The following SFMBT2 variants were observed in gnomAD, a reference collection of about 807,000 sequenced individuals.
The protein encoded by SFMBT2 is Scm like with four mbt domains 2, also known as scm-like with four MBT domains protein 2.
SFMBT2 carries 38 observed loss-of-function variants against 110.1 expected under a neutral mutation model. The observed-to-expected ratio is 0.35, with a 90% CI of 0.27 to 0.45. SFMBT2 has a LOEUF of 0.45. Among genes scored for constraint, SFMBT2 ranks in the 20% least tolerant of loss-of-function variants. The probability of loss-of-function intolerance (pLI) is 1.00; values close to 1 mark genes in which losing one functional copy is unlikely to be tolerated. For synonymous variants in SFMBT2, 425 were observed against 425.4 expected, an observed-to-expected ratio of 1.00 and a Z score of 0.01; for missense variants, 1,011 against 1,094.9, an observed-to-expected ratio of 0.92 and a Z score of 1.08.
intron 8 of SFMBT2, 40 bp from the exon 9 acceptor site, chr10:7,243,745 T>C (rs747638849): frequency 1.2e-6 from 1 of 841,634 alleles, no homozygotes; most frequent in Admixed American, 1.8e-5. Context: ...GTTAATTCTT[T>C]AGAGTTACAT....
At chr10:7,373,086 G>C (rs922371075) in intron 2 of SFMBT2, among the ~76,000 whole-genome samples, 4 of 152,240 alleles carry the variant, frequency 2.6e-5, no homozygotes, top group Non-Finnish European at 4.4e-5. Context: ...GGGAGCTGAG[G>C]TCTAGCAGGG....
At chr10:7,402,863 C>T (rs577183381) in intron 1 of SFMBT2, among the ~76,000 whole-genome samples, 1 of 152,302 alleles carries the variant, frequency 6.6e-6, no homozygotes, top group East Asian at 1.9e-4. Flanking sequence ...TCATCAGTGG[C>T]CAACACTGTT....
At chr10:7,346,290 C>A (rs894158271) in intron 4 of SFMBT2, among the ~76,000 whole-genome samples, 5 of 152,048 alleles carry the variant, frequency 3.3e-5, no homozygotes, top group African/African-American at 1.2e-4. Flanking sequence ...TCTTTCTGAC[C>A]CCGGTGTTCT....
At chr10:7,386,631 A>G (rs983497569) in intron 1 of SFMBT2, among the ~76,000 whole-genome samples, 2 of 152,150 alleles carry the variant, frequency 1.3e-5, no homozygotes, top group African/African-American at 4.8e-5. Flanking sequence ...CCCACTGGTC[A>G]TTGGTTAGGT....
At chr10:7,224,057 G>A (rs868458085) in intron 10 of SFMBT2, among the ~76,000 whole-genome samples, 1 of 152,080 alleles carries the variant, frequency 6.6e-6, no homozygotes, top group Non-Finnish European at 1.5e-5. Flanking sequence ...ATAATGAGGC[G>A]ATTTTCCCAT....
At chr10:7,202,994 C>CTAT in intron 12 of SFMBT2, 1 of 985,414 alleles carries the variant, frequency 1.0e-6, no homozygotes, top group Non-Finnish European at 1.2e-6. Context: ...CAGTAGCTCG[C>CTAT]AAATACGCCT....
At chr10:7,256,026 A>C (rs564267846) in intron 7 of SFMBT2, among the ~76,000 whole-genome samples, 3 of 152,234 alleles carry the variant, frequency 2.0e-5, no homozygotes, top group Non-Finnish European at 4.4e-5. Context: ...AAGTGGACAG[A>C]AACAGCTAAC....
intron 4 of SFMBT2, among the ~76,000 whole-genome samples, chr10:7,333,798 C>G (rs1588457333): frequency 6.6e-6 from 1 of 151,398 alleles, no homozygotes. Flanking sequence ...CTTTCTCTCT[C>G]CCCCACTCCC....
intron 7 of SFMBT2, among the ~76,000 whole-genome samples, chr10:7,250,612 G>C (rs1048212170): frequency 1.3e-5 from 2 of 152,206 alleles, no homozygotes; most frequent in Admixed American, 6.5e-5. Context: ...CCACCAGTGA[G>C]ATTGCTGGGT....
chr10:7,164,537 C>T (rs1212913799), intron 20 of SFMBT2: 1 of 749,262 alleles, frequency 1.3e-6, no homozygotes, highest in Non-Finnish European at 1.6e-6. Context: ...TCGCCCCTTG[C>T]TGGGAGGGCA....
At chr10:7,276,102 G>A (rs930926750) in intron 7 of SFMBT2, among the ~76,000 whole-genome samples, 9 of 152,222 alleles carry the variant, frequency 5.9e-5, no homozygotes, top group Non-Finnish European at 1.3e-4. Flanking sequence ...TCACGTAAGT[G>A]TGAAGCATAA....
chr10:7,294,766 C>A (rs1178042297), intron 4 of SFMBT2, among the ~76,000 whole-genome samples: 2 of 152,192 alleles, frequency 1.3e-5, no homozygotes, highest in Non-Finnish European at 2.9e-5. Flanking sequence ...ATCCCCAGTG[C>A]TCTCCGTCCT....
At chr10:7,173,575 G>A (rs761790465) in intron 17 of SFMBT2, among the ~76,000 whole-genome samples, 5 of 152,192 alleles carry the variant, frequency 3.3e-5, no homozygotes, top group Non-Finnish European at 7.3e-5. Context: ...AGACACAGGT[G>A]TACATCTTAA....
chr10:7,192,697 C>T (rs770716815), intron 15 of SFMBT2, among the ~76,000 whole-genome samples: 7 of 152,168 alleles, frequency 4.6e-5, no homozygotes, highest in Non-Finnish European at 8.8e-5. Context: ...AATCCCAAAC[C>T]GCCAGGTCCC....
At chr10:7,304,729 T>C (rs1439662447) in intron 4 of SFMBT2, among the ~76,000 whole-genome samples, 1 of 152,190 alleles carries the variant, frequency 6.6e-6, no homozygotes. Context: ...CAAAGATTCA[T>C]GTCAAAAACA....
rs118136631 is a variant in SFMBT2 at position 7,359,127 on chromosome 10, C to T, written c.436+8522G>A. Among the ~76,000 whole-genome samples the T allele has an allele frequency of 5.6e-4, 85 of 152,320 alleles. No homozygotes were observed. The East Asian group carries it at 0.014, about 25-fold the overall frequency. On this transcript the variant is annotated intron_variant, in intron 4 of 20. Transcript: ENST00000397167. Reference sequence around the variant, plus strand: ...CGAGGCAGGGTCAAGCCTGGAGCAGCCAGACATCCTGCAGGCCGAGCTGTG... The same window carrying T: ...CGAGGCAGGGTCAAGCCTGGAGCAGTCAGACATCCTGCAGGCCGAGCTGTG...
At position 7,197,678 on chromosome 10, in the gene SFMBT2, T is replaced by C; in HGVS notation, c.1568A>G (p.Asn523Ser). Residue 523 changes from asparagine (N) to serine (S), a missense_variant, in exon 15 of 21, where the codon AAC (asparagine) becomes AGC (serine). Around this residue, in one of 2 missense-constraint regions of SFMBT2, gnomAD observed 979 missense variants for 1,016.1 expected, o/e 0.96. Transcript: ENST00000397167. ...GAGCTGAGGACAGCAGTATTTCCCG[T>C]TGACGGTTCCTGCAGGGGACAGCAA... ...FPHLDTTGTVNGKYCCPQLFI... is the reference protein window; with the variant it reads ...FPHLDTTGTVSGKYCCPQLFI... The C allele has an allele frequency of 3.7e-6, 6 of 1,614,008 alleles. No individual in the cohort carries two copies. Among genetic ancestry groups the C allele is most frequent in the African/African-American group, 1.3e-5 (1 of 75,034 alleles).
Position 7,179,129 on chromosome 10 carries a change from G to A in SFMBT2, c.1809-2964C>T, listed in dbSNP as rs144690666. On this transcript the variant is annotated intron_variant, in intron 16 of 20. Transcript: ENST00000397167. ...TAAATTTACTTCATATTTATTCAGG[G>A]TCTTTCATATCCCAGCCCCTGGGTG... is the stretch of plus-strand genomic sequence containing the variant. 6.1e-3 allele frequency among the ~76,000 whole-genome samples: 924 copies of A among 151,920 alleles called. 8 individuals carry two copies. The highest frequency in any genetic ancestry group is 0.021 in the South Asian group (99 of 4,814).
intron 4 of SFMBT2, among the ~76,000 whole-genome samples, chr10:7,312,370 C>T (rs780155727): frequency 6.6e-6 from 1 of 152,124 alleles, no homozygotes; most frequent in African/African-American, 2.4e-5. Context: ...AGCACGAGCA[C>T]GTGATGAGTC....
Sources: gnomAD v4.1 joint callset for allele counts (sites outside exome capture counted in the v4.1 genomes callset) on GRCh38, gnomAD v4.1.1 for gene constraint, gnomAD v4.1.1 regional missense constraint, MANE v1.5 for transcripts, NCBI Gene and HGNC (gene_info 2026-07-23, HGNC 2026-07-21) for gene names.